Variants in TRDN observed in about 807,000 individuals in gnomAD.
The protein encoded by TRDN is triadin, also known as triadin in skeletal muscle.
A neutral mutation model predicts 149.7 loss-of-function variants in TRDN; 161 were observed. The observed-to-expected ratio is 1.08, with a 90% CI of 0.95 to 1.23. The LOEUF is 1.23. Among genes scored for constraint, TRDN ranks in the 50% most tolerant of loss-of-function variants. TRDN has a pLI of 0.00. For missense variants in TRDN, 896 were observed against 823.5 expected (o/e 1.09, Z -1.08); for synonymous variants, 294 against 250.5 (o/e 1.17, Z -1.64).
At chr6:123,471,781 C>T (rs1257256387) in intron 9 of TRDN, 1 of 152,084 alleles carries the variant, frequency 6.6e-6, no homozygotes, top group East Asian at 1.9e-4. Flanking sequence ...TTTTCTTTCT[C>T]ACCTCCAATT....
rs186916872 is a variant in TRDN at position 123,306,546 on chromosome 6, T to C, written c.1510+9911A>G. 1.1e-4 allele frequency among the ~76,000 whole-genome samples: 17 copies of C among 152,204 alleles called. No homozygotes were observed. In the East Asian group the frequency reaches 3.1e-3, roughly 28 times the overall value. On this transcript the variant is annotated intron_variant, in intron 24 of 40. Transcript: ENST00000334268. ...CTCCAAGAATGTAATTCTCTGCACA[T>C]ACTTGACTGCTGGAATTGCTTGTTG...
intron 33 of TRDN, among the ~76,000 whole-genome samples, chr6:123,264,329 C>A (rs369520996): frequency 6.6e-6 from 1 of 151,894 alleles, no homozygotes; most frequent in Admixed American, 6.6e-5. Context: ...CGGATGACTT[C>A]GAGAGGTTTA....
intron 12 of TRDN, among the ~76,000 whole-genome samples, chr6:123,422,146 C>T (rs143720389): frequency 1.1e-4 from 16 of 152,102 alleles, no homozygotes; most frequent in East Asian, 3.9e-4. Flanking sequence ...AGGTTATATG[C>T]AAATATTATC....
intron 20 of TRDN, among the ~76,000 whole-genome samples, chr6:123,358,414 C>T (rs955851493): frequency 2.6e-5 from 4 of 151,792 alleles, no homozygotes; most frequent in Non-Finnish European, 4.4e-5. Context: ...TCCCTTTTTT[C>T]TCCGTATCAC....
intron 1 of TRDN, among the ~76,000 whole-genome samples, chr6:123,634,942 G>A (rs1431417202): frequency 2.0e-5 from 3 of 151,756 alleles, no homozygotes; most frequent in Non-Finnish European, 4.4e-5. Flanking sequence ...TTAAACCCCC[G>A]CAGAGCAAAG....
At chr6:123,412,079 A>G (rs1326670280) in intron 12 of TRDN, among the ~76,000 whole-genome samples, 2 of 152,214 alleles carry the variant, frequency 1.3e-5, no homozygotes, top group African/African-American at 4.8e-5. Context: ...AATTACGTAC[A>G]CCACGGAAAT....
chr6:123,250,105 T>C (rs1776323241), intron 38 of TRDN, among the ~76,000 whole-genome samples: 1 of 151,986 alleles, frequency 6.6e-6, no homozygotes, highest in African/African-American at 2.4e-5. Context: ...ATAACAGCTA[T>C]AAGAAAAATA....
chr6:123,471,486 A>G (rs1356915098), intron 9 of TRDN: 1 of 152,144 alleles, frequency 6.6e-6, no homozygotes, highest in African/African-American at 2.4e-5. Context: ...CAATTTTAGA[A>G]AAGGTTTAAG....
chr6:123,493,198 A>C (rs897448428), intron 9 of TRDN, among the ~76,000 whole-genome samples: 4 of 152,084 alleles, frequency 2.6e-5, no homozygotes, highest in Admixed American at 6.6e-5. Flanking sequence ...TTTAAATATA[A>C]TTTTCTTCAT....
chr6:123,426,740 T>A (rs905871448), intron 12 of TRDN, among the ~76,000 whole-genome samples: 1 of 152,144 alleles, frequency 6.6e-6, no homozygotes, highest in Non-Finnish European at 1.5e-5. Context: ...ATTTTTGACC[T>A]TATATTCCAA....
At chr6:123,584,673 G>T (rs1783345279) in intron 1 of TRDN, among the ~76,000 whole-genome samples, 4 of 152,164 alleles carry the variant, frequency 2.6e-5, no homozygotes, top group South Asian at 2.1e-4. Context: ...CGGCAGTACA[G>T]CCTAGGTAAT....
At chr6:123,437,381 ATTTTTTT>A (rs565538741) in intron 12 of TRDN, 111 of 186,394 alleles carry the variant, frequency 6.0e-4, no homozygotes, top group East Asian at 3.4e-3. Context: ...TGAGATACAG[ATTTTTTT>A]TTTTTTTTTT....
intron 33 of TRDN, among the ~76,000 whole-genome samples, chr6:123,261,464 A>G (rs1430458953): frequency 2.0e-5 from 3 of 151,792 alleles, no homozygotes; most frequent in Admixed American, 6.6e-5. Context: ...TTCCTTCAGT[A>G]AACTTACAGA....
chr6:123,499,719 A>AAAAAAATAT lies in TRDN; in HGVS notation c.794-2468_794-2467insATATTTTTT. ...ATTCTGGCTCAAAAAAAAAAAAAAA[A>AAAAAAATAT]ATATATATATATATATATATATATA... On this transcript the variant is annotated intron_variant, in intron 8 of 40. Transcript: ENST00000334268. Among the ~76,000 whole-genome samples the AAAAAAATAT allele has an allele frequency of 2.3e-3, 109 of 47,644 alleles. 1 individual carries two copies. Among genetic ancestry groups the AAAAAAATAT allele is most frequent in the East Asian group, 0.018 (34 of 1,900 alleles). The allele number at this position is 47,644 out of a possible 152,430, so 31.3% of individuals were successfully genotyped here. A position where few individuals can be genotyped will look rare whatever the true frequency, so the allele number is the denominator to read the frequency against.
intron 23 of TRDN, among the ~76,000 whole-genome samples, chr6:123,330,736 C>T (rs1779630734): frequency 6.6e-6 from 1 of 151,916 alleles, no homozygotes; most frequent in Non-Finnish European, 1.5e-5. Context: ...ACATTAGTTG[C>T]AAAATTAGGA....
chr6:123,494,703 A>G (rs1778361151), intron 9 of TRDN, among the ~76,000 whole-genome samples: 1 of 152,164 alleles, frequency 6.6e-6, no homozygotes. Context: ...ACACAGGTGA[A>G]CAAATGGTTA....
At chr6:123,619,955 C>A (rs1316072775) in intron 1 of TRDN, among the ~76,000 whole-genome samples, 1 of 152,114 alleles carries the variant, frequency 6.6e-6, no homozygotes, top group African/African-American at 2.4e-5. Context: ...TTGACCTCCA[C>A]ACACTTTTGC....
chr6:123,519,992 C>T (rs1031153100), intron 5 of TRDN, among the ~76,000 whole-genome samples: 2 of 152,032 alleles, frequency 1.3e-5, no homozygotes, highest in African/African-American at 2.4e-5. Context: ...TATGAAAGAG[C>T]ATGATACACA....
chr6:123,626,991 C>CG lies in TRDN; in HGVS notation c.22+9762dup, dbSNP rs1785707237. Among the ~76,000 whole-genome samples the CG allele has an allele frequency of 3.3e-5, 5 of 151,418 alleles. No individual in the cohort carries two copies. The South Asian group carries it at 1.0e-3, about 32-fold the overall frequency. On this transcript the variant is annotated intron_variant, in intron 1 of 40. Transcript: ENST00000334268. ...TTCCCCAGGCTGGAGTGCAGTGGCACGATCTCGGCTCACTGCAGCCTCCAC... is the reference window on the plus strand; with the variant it reads ...TTCCCCAGGCTGGAGTGCAGTGGCACGGATCTCGGCTCACTGCAGCCTCCAC...
Sources: allele counts gnomAD v4.1 joint callset (sites outside exome capture counted in the v4.1 genomes callset), GRCh38; gene constraint gnomAD v4.1.1; transcripts MANE v1.5; gene names NCBI Gene and HGNC (gene_info 2026-07-23, HGNC 2026-07-21).